AK1: variants seen among roughly 807,000 people sequenced by gnomAD.
The protein encoded by AK1 is adenylate kinase isoenzyme 1.
AK1 carries 13 observed loss-of-function variants against 23.9 expected under a neutral mutation model. The observed-to-expected ratio is 0.54, with a 90% CI of 0.35 to 0.86. The LOEUF is 0.86. AK1 is among the 40% of genes least tolerant of loss of function. AK1 has a pLI of 0.01. For missense variants in AK1, 214 were observed against 255.1 expected (o/e 0.84, Z 1.10); for synonymous variants, 97 against 102.8 (o/e 0.94, Z 0.34).
At chr9:127,873,114 A>G (rs373982790) in intron 2 of AK1, 53 bp from the exon 3 acceptor site, 10 of 1,596,022 alleles carry the variant, frequency 6.3e-6, no homozygotes, top group Non-Finnish European at 8.5e-6. Flanking sequence ...ACCCACAGCC[A>G]GAGGCACCTC....
chr9:127,872,735 G>C lies in AK1; in HGVS notation c.162C>G (p.Gly54=). The change falls in exon 4 of 7, where the codon GGC becomes GGG. Residue 54 remains glycine, a synonymous_variant. Transcript: ENST00000644144. ...TCTCCATGATTTCCGACAGCTTCTTGCCCCTGGCCGAGCCTGAGCTGACCT... is the reference window on the plus strand; with the variant it reads ...TCTCCATGATTTCCGACAGCTTCTTCCCCCTGGCCGAGCCTGAGCTGACCT... The part of the protein sequence containing the change: ...RSEVSSGSAR[G]KKLSEIMEKG... The C allele has an allele frequency of 6.2e-7, 1 of 1,614,158 alleles. No homozygotes were observed. The highest frequency in any genetic ancestry group is 8.5e-7 in the Non-Finnish European group (1 of 1,180,024).
At position 127,872,676 on chromosome 9, in the gene AK1, C is replaced by G. The variant is rs1829441669; in HGVS notation, c.207+14G>C. The G allele has an allele frequency of 6.2e-7, 1 of 1,613,906 alleles. No homozygotes were observed. Among genetic ancestry groups the G allele is most frequent in the Non-Finnish European group, 8.5e-7 (1 of 1,180,008 alleles). ...TGTCATCCCCTGCCTCTCACCCCAC[C>G]AGGGCCCACTCACCAGTGGAACCAG... On this transcript the variant is annotated intron_variant, in intron 4 of 6. Coordinates refer to ENST00000644144, the MANE Select transcript of AK1 (RefSeq NM_000476.3).
intron 2 of AK1, 116 bp from the exon 3 acceptor site, chr9:127,873,177 G>C (rs545612570): frequency 6.5e-6 from 10 of 1,545,328 alleles, no homozygotes; most frequent in East Asian, 4.9e-5. Flanking sequence ...CACCGCTGGC[G>C]CTCCTGTCAG....
At position 127,873,006 on chromosome 9, in the gene AK1, C is replaced by G; in HGVS notation, c.43+20G>C. ...GCCAGTGAAGACCCTTGCTGCACCA[C>G]CCGCCTGCCCGCAACTCACCCACCA... On this transcript the variant is annotated intron_variant, in intron 3 of 6. Coordinates refer to ENST00000644144, the MANE Select transcript of AK1 (RefSeq NM_000476.3). 1 of 1,614,068 alleles carries G rather than the reference C, an allele frequency of 6.2e-7. No homozygotes were observed. The highest frequency in any genetic ancestry group is 8.5e-7 in the Non-Finnish European group (1 of 1,179,962).
chr9:127,874,706 T>C (rs1829497465), intron 1 of AK1, 57 bp from the exon 2 acceptor site: 2 of 1,555,672 alleles, frequency 1.3e-6, no homozygotes, highest in Admixed American at 1.7e-5. Flanking sequence ...TGACTCACCT[T>C]CCACTAAGCC....
intron 5 of AK1, among the ~76,000 whole-genome samples, chr9:127,870,948 A>G (rs1829392853): frequency 6.6e-6 from 1 of 151,666 alleles, no homozygotes; most frequent in South Asian, 2.1e-4. Flanking sequence ...TATTTCTCCC[A>G]TACAGCCTTG....
In AK1 at chr9:127,877,218, C is replaced by T. The variant is rs1019987614; in HGVS notation, c.-33+405G>A. ...ACTAGAAGTGGAGTGACACGATAGC[C>T]CTACGGAGCACAGAGGCTGCCCCTG... On this transcript the variant is annotated intron_variant, in intron 1 of 6. Transcript: ENST00000644144. This position sits in a 1 kb window ranked among gnomAD's most constrained non-coding sequence, Gnocchi z 5.2. Among the ~76,000 whole-genome samples the T allele has an allele frequency of 1.8e-4, 27 of 152,162 alleles. No homozygotes were observed. The highest frequency in any genetic ancestry group is 1.0e-3 in the Admixed American group (16 of 15,276).
At chr9:127,872,615 G>A in intron 4 of AK1, 75 bp downstream of exon 4, 2 of 1,595,740 alleles carry the variant, frequency 1.3e-6, no homozygotes, top group Non-Finnish European at 1.7e-6. Flanking sequence ...GTGTGCCGTG[G>A]GCTTTGCTGC....
intron 4 of AK1, 53 bp downstream of exon 4, chr9:127,872,637 C>A: frequency 6.2e-7 from 1 of 1,609,774 alleles, no homozygotes; most frequent in Non-Finnish European, 8.5e-7. Flanking sequence ...GGTGGGACAC[C>A]CACTCAGGGC....
At chr9:127,869,943 C>T (rs997810479) in intron 5 of AK1, among the ~76,000 whole-genome samples, 1 of 152,254 alleles carries the variant, frequency 6.6e-6, no homozygotes, top group East Asian at 1.9e-4. Context: ...TGTGGGGCCT[C>T]AGTCTCCCTG....
At chr9:127,879,249 T>C (rs898604311), upstream of AK1, among the ~76,000 whole-genome samples, 1 of 152,142 alleles carries the variant, frequency 6.6e-6, no homozygotes, top group African/African-American at 2.4e-5. Context: ...AACTTTCCCA[T>C]AGGGTCTGAG....
At position 127,872,754 on chromosome 9, in the gene AK1, C is replaced by G; in HGVS notation, c.143G>C (p.Ser48Thr). The part of the protein sequence containing the change: ...STGDLLRSEV[S>T]SGSARGKKLS... ...CTTCTTGCCCCTGGCCGAGCCTGAGCTGACCTCGGACCGCAGGAGGTCCCC... is the reference window on the plus strand; with the variant it reads ...CTTCTTGCCCCTGGCCGAGCCTGAGGTGACCTCGGACCGCAGGAGGTCCCC... Residue 48 changes from serine (S) to threonine (T), a missense_variant, in exon 4 of 7, where the codon AGC (serine) becomes ACC (threonine). Physicochemically the swap from Ser to Thr is moderately conservative, Grantham distance 58. Transcript: ENST00000644144. 1 of 1,614,186 alleles carries G rather than the reference C, an allele frequency of 6.2e-7. No homozygotes were observed. Among genetic ancestry groups the G allele is most frequent in the South Asian group, 1.1e-5 (1 of 91,088 alleles).
chr9:127,871,949 A>G lies in AK1; in HGVS notation c.208-10T>C. ...TGTCCAACACTGTCTCCTGGGGCAC[A>G]GCAAAGGAGGAAGGGGCCATGAGCC... is the stretch of plus-strand genomic sequence containing the variant. On this transcript the variant is annotated splice_polypyrimidine_tract_variant and intron_variant, in intron 4 of 6. Coordinates refer to ENST00000644144, the MANE Select transcript of AK1 (RefSeq NM_000476.3). The surrounding 1 kb of genome is among the most constrained non-coding windows in gnomAD (Gnocchi z 4.4). 1 of 1,608,814 alleles carries G rather than the reference A, an allele frequency of 6.2e-7. No homozygotes were observed.
chr9:127,873,810 T>TA, intron 2 of AK1: 3 of 985,370 alleles, frequency 3.0e-6, no homozygotes, highest in Non-Finnish European at 3.6e-6. Flanking sequence ...CCCAGGGAAA[T>TA]AGAGGACCAG....
rs573185108 is a variant in AK1, at chr9:127,867,601, C to T, written c.*407G>A. The T allele has an allele frequency of 1.1e-4, 30 of 270,326 alleles. No individual in the cohort carries two copies. Among genetic ancestry groups the T allele is most frequent in the African/African-American group, 6.6e-4 (30 of 45,484 alleles). 16.7% of individuals were successfully genotyped at this position (270,326 alleles called of 1,614,324 possible). A position where few individuals can be genotyped will look rare whatever the true frequency, so the allele number is the denominator to read the frequency against. On this transcript the variant is annotated 3_prime_UTR_variant, in exon 7 of 7. Transcript: ENST00000644144. ...AGAGGAGCCCAGGCTGGGACCGGTT[C>T]TGCCTGAACATGAGCCCCTCGGAGC... is the stretch of plus-strand genomic sequence containing the variant.
chr9:127,875,411 C>G (rs1829516484), intron 1 of AK1, among the ~76,000 whole-genome samples: 1 of 150,600 alleles, frequency 6.6e-6, no homozygotes, highest in African/African-American at 2.5e-5. Context: ...GCCCCCCTAT[C>G]TCAGAACTGC....
At chr9:127,873,229 G>A (rs1488853606) in intron 2 of AK1, 168 bp from the exon 3 acceptor site, 5 of 1,537,496 alleles carry the variant, frequency 3.3e-6, no homozygotes, top group South Asian at 1.2e-5. Flanking sequence ...AGGGATGTGA[G>A]TGAGCTCGGA....
At position 127,872,611 on chromosome 9, in the gene AK1, C is replaced by A. The variant is rs763437490; in HGVS notation, c.207+79G>T. 5.0e-6 allele frequency: 8 copies of A among 1,588,766 alleles called. No homozygotes were observed. In the African/African-American group the frequency reaches 1.1e-4, roughly 21 times the overall value. On this transcript the variant is annotated intron_variant, in intron 4 of 6. Coordinates refer to ENST00000644144, the MANE Select transcript of AK1 (RefSeq NM_000476.3). ...GTTACGGTCAGCTTTGCCTGTGTGCCGTGGGCTTTGCTGCTGGTGGGACAC... is the reference window on the plus strand; with the variant it reads ...GTTACGGTCAGCTTTGCCTGTGTGCAGTGGGCTTTGCTGCTGGTGGGACAC...
In AK1 at chr9:127,871,895, G is replaced by A. The variant is rs769503890; in HGVS notation, c.252C>T (p.Val84=). ...CAATCAGGAAGCCTTTGGAAGTATTGACTTTGGCCACCATGGCATCCCGGA... is the reference window on the plus strand; with the variant it reads ...CAATCAGGAAGCCTTTGGAAGTATTAACTTTGGCCACCATGGCATCCCGGA... The part of the protein sequence containing the change: ...DMLRDAMVAK[V]NTSKGFLIDG... The change falls in exon 5 of 7, where the codon GTC becomes GTT. Residue 84 remains valine (V), a synonymous_variant. Coordinates refer to ENST00000644144, the MANE Select transcript of AK1 (RefSeq NM_000476.3). The surrounding 1 kb of genome is among the most constrained non-coding windows in gnomAD (Gnocchi z 4.4). The A allele has an allele frequency of 6.2e-7, 1 of 1,614,100 alleles. No homozygotes were observed. Among genetic ancestry groups the A allele is most frequent in the African/African-American group, 1.3e-5 (1 of 75,030 alleles).
Sources: gnomAD v4.1 joint callset for allele counts (sites outside exome capture counted in the v4.1 genomes callset) on GRCh38, gnomAD v4.1.1 for gene constraint, Gnocchi (gnomAD v3.1) non-coding constraint, MANE v1.5 for transcripts, NCBI Gene and HGNC (gene_info 2026-07-23, HGNC 2026-07-21) for gene names.